Variants in KCNN2 observed in about 807,000 individuals in gnomAD.
The protein encoded by KCNN2 is small conductance calcium-activated potassium channel protein 2.
In KCNN2, 24 loss-of-function variants were observed where a neutral mutation model predicts 55.5. The observed-to-expected ratio is 0.43, with a 90% confidence interval of 0.31 to 0.61. The LOEUF (loss-of-function observed/expected upper bound fraction) is 0.61, where lower values mean the gene tolerates loss of function less well. Ranked by LOEUF, KCNN2 falls within the 20% of genes least tolerant of loss-of-function variation. The pLI, the probability that KCNN2 is intolerant of heterozygous loss-of-function variation, is 0.08. For missense variants in KCNN2, 754 were observed against 853.6 expected (o/e 0.88, Z 1.45); for synonymous variants, 431 against 336.1 (o/e 1.28, Z -3.09).
At chr5:114,311,609 T>G (rs72799650) in intron 2 of KCNN2, among the ~76,000 whole-genome samples, 34,146 of 152,112 alleles carry the variant, frequency 0.22, 4,151 homozygotes, top group Non-Finnish European at 0.26. Flanking sequence ...GATTTCTCTT[T>G]TCAGTTGCTT....
chr5:114,418,033 T>G (rs1759360580), intron 3 of KCNN2, among the ~76,000 whole-genome samples: 1 of 152,186 alleles, frequency 6.6e-6, no homozygotes, highest in African/African-American at 2.4e-5. Context: ...ACCTATCAGT[T>G]ATAACAATAG....
At position 114,374,570 on chromosome 5, in the gene KCNN2, G is replaced by A. The variant is rs575577642; in HGVS notation, c.1218+10569G>A. ...GTGTAAATATGACAAGTAACATCTC[G>A]AAATATTCTGGGTACAGTGATTGTT... On this transcript the variant is annotated intron_variant, in intron 2 of 7. Coordinates refer to ENST00000673685, the MANE Select transcript of KCNN2 (RefSeq NM_021614.4). Among the ~76,000 whole-genome samples, 5 of 152,228 alleles carry A rather than the reference G, an allele frequency of 3.3e-5. No individual in the cohort carries two copies. The East Asian group carries it at 9.6e-4, about 29-fold the overall frequency.
At position 114,104,448 on chromosome 5, in the gene KCNN2, T is replaced by C. The variant is rs142240550; in HGVS notation, c.-271+47948T>C. 4.0e-4 allele frequency among the ~76,000 whole-genome samples: 61 copies of C among 152,222 alleles called. No individual in the cohort carries two copies. In the East Asian group the frequency reaches 7.4e-3, roughly 18 times the overall value. ...CTGCTTTGATCTTAGTTATTTCTTGTCTTCTGCTAGGTTTTGAATTTGTCT... is the reference window on the plus strand; with the variant it reads ...CTGCTTTGATCTTAGTTATTTCTTGCCTTCTGCTAGGTTTTGAATTTGTCT... On this transcript the variant is annotated intron_variant, in intron 1 of 10. Coordinates refer to the KCNN2 transcript ENST00000512097.
intron 1 of KCNN2, among the ~76,000 whole-genome samples, chr5:114,177,283 G>T (rs542414725): frequency 4.3e-4 from 65 of 151,984 alleles, no homozygotes; most frequent in African/African-American, 1.4e-3. Flanking sequence ...GACTACAGGA[G>T]CCCGCCACCG....
At chr5:114,118,815 A>G (rs1350249121) in intron 1 of KCNN2, among the ~76,000 whole-genome samples, 2 of 152,172 alleles carry the variant, frequency 1.3e-5, no homozygotes, top group Non-Finnish European at 2.9e-5. Context: ...CACATTCTGC[A>G]GGGCACAGCT....
At chr5:114,266,668 A>G (rs921942246) in intron 2 of KCNN2, among the ~76,000 whole-genome samples, 2 of 152,128 alleles carry the variant, frequency 1.3e-5, no homozygotes. Context: ...AAATCCTGGG[A>G]CTGGGAGTGG....
chr5:114,198,815 T>C (rs1753612678), intron 1 of KCNN2, among the ~76,000 whole-genome samples: 1 of 152,144 alleles, frequency 6.6e-6, no homozygotes, highest in African/African-American at 2.4e-5. Context: ...TTTGATTTAT[T>C]AAAATGTGTT....
chr5:114,476,993 C>A, intron 5 of KCNN2, among the ~76,000 whole-genome samples: 2 of 64,944 alleles, frequency 3.1e-5, no homozygotes, highest in Admixed American at 1.7e-4. Flanking sequence ...AAACTTTAAA[C>A]TTTTAAAATA....
intron 2 of KCNN2, among the ~76,000 whole-genome samples, chr5:114,222,481 A>T (rs990311576): frequency 2.0e-5 from 3 of 152,204 alleles, no homozygotes; most frequent in Non-Finnish European, 4.4e-5. Flanking sequence ...TGAGACCATG[A>T]AGTCATTAGG....
chr5:114,343,714 G>A (rs1757058099), intron 2 of KCNN2, among the ~76,000 whole-genome samples: 1 of 151,914 alleles, frequency 6.6e-6, no homozygotes, highest in Non-Finnish European at 1.5e-5. Context: ...ACAACATGGT[G>A]TGGGGGGAAC....
chr5:114,490,947 C>CT (rs1350826837), intron 6 of KCNN2, among the ~76,000 whole-genome samples: 1 of 152,118 alleles, frequency 6.6e-6, no homozygotes, highest in Non-Finnish European at 1.5e-5. Context: ...GCAGCTGCAG[C>CT]TTAAGCAGGC....
intron 1 of KCNN2, among the ~76,000 whole-genome samples, chr5:114,189,630 G>A (rs1383857800): frequency 6.6e-6 from 1 of 152,134 alleles, no homozygotes; most frequent in Non-Finnish European, 1.5e-5. Context: ...CTATATATCA[G>A]GCACTATTCC....
At chr5:114,414,135 TA>T (rs1174427816) in intron 3 of KCNN2, among the ~76,000 whole-genome samples, 1 of 152,212 alleles carries the variant, frequency 6.6e-6, no homozygotes, top group African/African-American at 2.4e-5. Context: ...TTATACTCTT[TA>T]TTTTAAAATG....
intron 1 of KCNN2, among the ~76,000 whole-genome samples, chr5:114,176,251 G>A (rs1444036806): frequency 2.0e-5 from 3 of 152,180 alleles, no homozygotes; most frequent in African/African-American, 7.2e-5. Context: ...TTTGCCAAAT[G>A]TCCCCTGGAG....
chr5:114,284,045 T>C (rs1755682720), intron 2 of KCNN2, among the ~76,000 whole-genome samples: 1 of 152,188 alleles, frequency 6.6e-6, no homozygotes, highest in Non-Finnish European at 1.5e-5. Flanking sequence ...TCTCTGTTTC[T>C]GGTGACTTCA....
chr5:114,268,290 T>G (rs1441922998), intron 2 of KCNN2, among the ~76,000 whole-genome samples: 1 of 152,252 alleles, frequency 6.6e-6, no homozygotes, highest in Non-Finnish European at 1.5e-5. Flanking sequence ...TTAATACTAA[T>G]ACACAATTTT....
intron 2 of KCNN2, among the ~76,000 whole-genome samples, chr5:114,305,182 A>G (rs1756243205): frequency 6.6e-6 from 1 of 152,206 alleles, no homozygotes; most frequent in Admixed American, 6.5e-5. Context: ...TGGTAGGGGC[A>G]GGGGGTAGTC....
chr5:114,459,005 T>G (rs923867483), intron 3 of KCNN2, among the ~76,000 whole-genome samples: 3 of 152,254 alleles, frequency 2.0e-5, no homozygotes, highest in African/African-American at 7.2e-5. Context: ...AAGGCACTGA[T>G]TCCTTGGGAA....
intron 2 of KCNN2, among the ~76,000 whole-genome samples, chr5:114,273,297 T>G (rs1440668823): frequency 6.6e-6 from 1 of 152,218 alleles, no homozygotes; most frequent in Non-Finnish European, 1.5e-5. Flanking sequence ...TTGGGTTGGT[T>G]CCAAGTCTTT....
Sources: gnomAD v4.1 joint callset for allele counts (sites outside exome capture counted in the v4.1 genomes callset) on GRCh38, gnomAD v4.1.1 for gene constraint, MANE v1.5 for transcripts, NCBI Gene and HGNC (gene_info 2026-07-23, HGNC 2026-07-21) for gene names.